The following LTN1 variants were observed in gnomAD, a reference collection of about 807,000 sequenced individuals.
LTN1 encodes listerin E3 ubiquitin protein ligase 1.
LTN1 carries 88 observed loss-of-function variants against 201.2 expected under a neutral mutation model. That is an observed-to-expected ratio of 0.44 (90% confidence interval 0.37 to 0.52). LTN1 has a LOEUF of 0.52. Among genes scored for constraint, LTN1 ranks in the 20% least tolerant of loss-of-function variants. The pLI is 0.00. For missense variants in LTN1, 1,752 were observed against 2,038.7 expected (o/e 0.86, Z 2.71); for synonymous variants, 645 against 713.5 (o/e 0.90, Z 1.53).
chr21:28,966,450 G>C lies in LTN1; in HGVS notation c.2041C>G (p.Leu681Val). 4 of 1,614,122 alleles carry C rather than the reference G, an allele frequency of 2.5e-6. No homozygotes were observed. The highest frequency in any genetic ancestry group is 3.4e-6 in the Non-Finnish European group (4 of 1,180,020). The change falls in exon 10 of 30, where the codon CTG becomes GTG. Residue 681 changes from leucine to valine, a missense_variant. By Grantham distance (32) the Leu-to-Val change is conservative. Coordinates refer to ENST00000361371, the MANE Select transcript of LTN1 (RefSeq NM_015565.3). ...AGAGCACTGTACAAAATGTCCACCA[G>C]GAAACCAAAATCCTTCCTTTGATCT... is the stretch of plus-strand genomic sequence containing the variant. ...NEDQRKDFGF[L>V]VDILYSALRC...
chr21:28,981,773 A>G (rs773494186), intron 5 of LTN1, among the ~76,000 whole-genome samples: 1 of 152,274 alleles, frequency 6.6e-6, no homozygotes. Context: ...ATATAAAAAC[A>G]TCTCTTTCTA....
Position 28,952,211 on chromosome 21 carries a change from G to C in LTN1, c.3293C>G (p.Ser1098Cys), listed in dbSNP as rs780698582. 6.2e-7 allele frequency: 1 copy of C among 1,611,034 alleles called. No homozygotes were observed. Among genetic ancestry groups the C allele is most frequent in the Non-Finnish European group, 8.5e-7 (1 of 1,178,338 alleles). ...TACTTCATCAGATGAAATGCTTCGG[G>C]AAAGGATCAACTTAGCAATAATAAG... ...WSLIIAKLIL[S>C]RSISSDEVKP... The change falls in exon 18 of 30, where the codon TCC becomes TGC. Residue 1098 changes from serine (S) to cysteine (C), a missense_variant. Physicochemically the swap from Ser to Cys is moderately radical, Grantham distance 112 (BLOSUM62 -1). Around this residue, in one of 3 missense-constraint regions of LTN1, gnomAD observed 1,211 missense variants for 1,312.8 expected, o/e 0.92. Coordinates refer to ENST00000361371, the MANE Select transcript of LTN1 (RefSeq NM_015565.3).
chr21:28,968,954 C>G (rs1274437087), intron 9 of LTN1, among the ~76,000 whole-genome samples: 1 of 149,168 alleles, frequency 6.7e-6, no homozygotes, highest in East Asian at 2.2e-4. Flanking sequence ...GGCGCGGTGG[C>G]TCACACCTGT....
chr21:28,981,175 T>C lies in LTN1; in HGVS notation c.754A>G (p.Lys252Glu). 2 of 1,596,620 alleles carry C rather than the reference T, an allele frequency of 1.3e-6. No individual in the cohort carries two copies. Among genetic ancestry groups the C allele is most frequent in the Admixed American group, 3.7e-5 (2 of 54,606 alleles). ...NELDSLEEKFKSLLSQNKFWK... is the reference protein window; with the variant it reads ...NELDSLEEKFESLLSQNKFWK... Reference sequence around the variant, plus strand: ...AACTTATTCTGTGATAAAAGAGACTTAAATTTCTCCTCCAGAGAATCAAGC... The same window carrying C: ...AACTTATTCTGTGATAAAAGAGACTCAAATTTCTCCTCCAGAGAATCAAGC... The change falls in exon 6 of 30, where the codon AAG becomes GAG. Residue 252 changes from lysine (K) to glutamate (E), a missense_variant. Coordinates refer to ENST00000361371, the MANE Select transcript of LTN1 (RefSeq NM_015565.3).
intron 1 of LTN1, among the ~76,000 whole-genome samples, chr21:28,987,412 A>G (rs2084706601): frequency 6.6e-6 from 1 of 152,216 alleles, no homozygotes; most frequent in African/African-American, 2.4e-5. Flanking sequence ...TCACCCATTA[A>G]ATGAACAAAT....
intron 19 of LTN1, 131 bp downstream of exon 19, chr21:28,947,333 T>G: frequency 1.4e-6 from 1 of 698,630 alleles, no homozygotes. Flanking sequence ...ACAACACTCA[T>G]CCATATAATC....
At chr21:28,940,219 G>A (rs1052689900) in intron 25 of LTN1, among the ~76,000 whole-genome samples, 3 of 152,182 alleles carry the variant, frequency 2.0e-5, no homozygotes, top group Non-Finnish European at 4.4e-5. Context: ...TGGCTCTGTC[G>A]CCCAGGCTTG....
intron 6 of LTN1, among the ~76,000 whole-genome samples, chr21:28,976,037 G>T (rs1298582393): frequency 6.6e-6 from 1 of 152,056 alleles, no homozygotes; most frequent in Non-Finnish European, 1.5e-5. Context: ...AATCTAATCT[G>T]TAGTGATGGG....
At chr21:28,992,449 C>A (rs775811372) in intron 1 of LTN1, among the ~76,000 whole-genome samples, 3 of 152,192 alleles carry the variant, frequency 2.0e-5, no homozygotes, top group Non-Finnish European at 2.9e-5. Flanking sequence ...CCGCCCTCCC[C>A]CAACCAACCC....
In LTN1 at chr21:28,959,698, C is replaced by G; in HGVS notation, c.2354-1G>C. 1 of 1,587,920 alleles carries G rather than the reference C, an allele frequency of 6.3e-7. No homozygotes were observed. The highest frequency in any genetic ancestry group is 8.6e-7 in the Non-Finnish European group (1 of 1,169,498). On this transcript the variant is annotated splice_acceptor_variant, in intron 12 of 29. Coordinates refer to ENST00000361371, the MANE Select transcript of LTN1 (RefSeq NM_015565.3). LOFTEE classifies it high-confidence loss of function. ...ACATATACGTCTCCAATCAAGTAAT[C>G]TGGAGAAAAAAAGGTTCAAACAGAC... is the stretch of plus-strand genomic sequence containing the variant.
chr21:28,940,867 C>G (rs1255077118), intron 25 of LTN1, among the ~76,000 whole-genome samples: 3 of 152,096 alleles, frequency 2.0e-5, no homozygotes, highest in African/African-American at 7.2e-5. Context: ...GTGGGTGGAT[C>G]GCTTGAGCTC....
intron 25 of LTN1, among the ~76,000 whole-genome samples, chr21:28,941,003 G>A (rs921065965): frequency 6.6e-6 from 1 of 152,166 alleles, no homozygotes; most frequent in Non-Finnish European, 1.5e-5. Context: ...GTTGAGCCTA[G>A]GAGGCAGAGG....
chr21:28,947,827 A>AT (rs1164167146), intron 18 of LTN1, among the ~76,000 whole-genome samples: 2 of 151,754 alleles, frequency 1.3e-5, no homozygotes, highest in African/African-American at 2.4e-5. Context: ...ATGAGCATAT[A>AT]TAACTTTTCC....
intron 1 of LTN1, among the ~76,000 whole-genome samples, chr21:28,990,998 GTGA>G (rs1365861892): frequency 6.6e-6 from 1 of 152,130 alleles, no homozygotes; most frequent in Non-Finnish European, 1.5e-5. Flanking sequence ...TAAGCTAGCC[GTGA>G]TGGCCTGTAC....
intron 25 of LTN1, among the ~76,000 whole-genome samples, chr21:28,937,458 G>A (rs1318721199): frequency 6.6e-6 from 1 of 152,032 alleles, no homozygotes; most frequent in African/African-American, 2.4e-5. Context: ...TATTTTATAG[G>A]CATATAATAT....
intron 1 of LTN1, among the ~76,000 whole-genome samples, chr21:28,990,716 C>G (rs2084738210): frequency 2.0e-5 from 3 of 152,172 alleles, no homozygotes. Flanking sequence ...AGAATTCCTT[C>G]TAAAAATTGT....
Position 28,932,673 on chromosome 21 carries a change from C to T in LTN1, c.4876-9G>A. ...GTAGCTCGAGCTTTAACCTGCAATA[C>T]AACAAAGGATATTTTGTTTGCCAAA... On this transcript the variant is annotated splice_polypyrimidine_tract_variant and intron_variant, in intron 27 of 29. Transcript: ENST00000361371. 6.3e-7 allele frequency: 1 copy of T among 1,584,052 alleles called. No homozygotes were observed. Among genetic ancestry groups the T allele is most frequent in the Non-Finnish European group, 8.6e-7 (1 of 1,163,164 alleles).
At chr21:28,991,227 A>G (rs1402157404) in intron 1 of LTN1, among the ~76,000 whole-genome samples, 1 of 151,384 alleles carries the variant, frequency 6.6e-6, no homozygotes, top group Middle Eastern at 3.2e-3. Context: ...AGAGGTTGAC[A>G]CTGCAGTGGG....
chr21:28,940,797 ATGAGATTAGGC>A (rs1601167298), intron 25 of LTN1, among the ~76,000 whole-genome samples: 1 of 152,164 alleles, frequency 6.6e-6, no homozygotes, highest in Non-Finnish European at 1.5e-5. Flanking sequence ...GTTGGATAAA[ATGAGATTAGGC>A]TGGGCGCAGT....
Sources: gnomAD v4.1 joint callset for allele counts (sites outside exome capture counted in the v4.1 genomes callset) on GRCh38, gnomAD v4.1.1 for gene constraint, gnomAD v4.1.1 regional missense constraint, MANE v1.5 for transcripts, NCBI Gene and HGNC (gene_info 2026-07-23, HGNC 2026-07-21) for gene names.